PKP2: variants seen among roughly 807,000 people sequenced by gnomAD.
PKP2 encodes the protein plakophilin 2, also known as plakophilin-2.
A neutral mutation model predicts 83.4 loss-of-function variants in PKP2; 73 were observed. That is an observed-to-expected ratio of 0.88 (90% confidence interval 0.72 to 1.06). The LOEUF is 1.06. PKP2 is among the 50% of genes least tolerant of loss of function. PKP2 has a pLI of 0.00. For synonymous variants in PKP2, 409 were observed against 430.4 expected, an observed-to-expected ratio of 0.95 and a Z score of 0.62; for missense variants, 966 against 1,065.4, an observed-to-expected ratio of 0.91 and a Z score of 1.30.
intron 5 of PKP2, among the ~76,000 whole-genome samples, chr12:32,846,647 A>G (rs1956647228): frequency 6.6e-6 from 1 of 151,748 alleles, no homozygotes; most frequent in Admixed American, 6.6e-5. Flanking sequence ...TGGGAGGCTA[A>G]GGCAGGAGAA....
intron 1 of PKP2, among the ~76,000 whole-genome samples, chr12:32,896,032 G>T (rs529770891): frequency 6.6e-6 from 1 of 152,344 alleles, no homozygotes; most frequent in Non-Finnish European, 1.5e-5. Flanking sequence ...GGTTGTAGGA[G>T]CGCCAGTGCT....
rs1441911077 is a variant in PKP2, at chr12:32,819,161, C to T, written c.2013+2195G>A. Among the ~76,000 whole-genome samples the T allele has an allele frequency of 2.0e-5, 3 of 151,808 alleles. No homozygotes were observed. In the East Asian group the frequency reaches 5.8e-4, roughly 29 times the overall value. ...GGCGTGGTGGCGGGCACCTGTAATCCCAGCTACTTGGGAGGCTGAGGCAGG... is the reference window on the plus strand; with the variant it reads ...GGCGTGGTGGCGGGCACCTGTAATCTCAGCTACTTGGGAGGCTGAGGCAGG... On this transcript the variant is annotated intron_variant, in intron 9 of 12. Transcript: ENST00000340811.
intron 1 of PKP2, among the ~76,000 whole-genome samples, chr12:32,892,315 C>CA (rs1555149455): frequency 7.3e-6 from 1 of 137,446 alleles, no homozygotes; most frequent in African/African-American, 2.7e-5. Flanking sequence ...CCAGAATTCA[C>CA]TTTTTTTTTT....
At chr12:32,889,345 A>G (rs1406490014) in intron 1 of PKP2, among the ~76,000 whole-genome samples, 2 of 152,232 alleles carry the variant, frequency 1.3e-5, no homozygotes, top group African/African-American at 4.8e-5. Context: ...AAGGAATTTA[A>G]ACTGGGAAAT....
chr12:32,856,287 G>C (rs1283836257), intron 4 of PKP2, among the ~76,000 whole-genome samples: 4 of 152,126 alleles, frequency 2.6e-5, no homozygotes, highest in Non-Finnish European at 5.9e-5. Context: ...GCAGTTATTG[G>C]AAAGGTCTCC....
At chr12:32,874,729 C>T (rs1380470420) in intron 3 of PKP2, among the ~76,000 whole-genome samples, 1 of 152,006 alleles carries the variant, frequency 6.6e-6, no homozygotes, top group Non-Finnish European at 1.5e-5. Context: ...CCTTTAATTC[C>T]TTCACTCTTT....
chr12:32,868,586 G>A (rs1452319377), intron 4 of PKP2, among the ~76,000 whole-genome samples: 3 of 151,516 alleles, frequency 2.0e-5, no homozygotes, highest in African/African-American at 4.9e-5. Context: ...GCAGTGGCGC[G>A]AACTCAGTTC....
intron 3 of PKP2, among the ~76,000 whole-genome samples, chr12:32,873,788 G>T (rs200643546): frequency 1.3e-5 from 2 of 151,342 alleles, no homozygotes; most frequent in African/African-American, 4.8e-5. Context: ...CCTCGGCCTC[G>T]TAAAGTGCTG....
chr12:32,807,839 A>G (rs1485977477), intron 9 of PKP2, among the ~76,000 whole-genome samples: 1 of 152,194 alleles, frequency 6.6e-6, no homozygotes, highest in Non-Finnish European at 1.5e-5. Flanking sequence ...TTTCTTTAAG[A>G]ATTTTAAATA....
chr12:32,837,714 G>C (rs1217781391), intron 6 of PKP2, among the ~76,000 whole-genome samples: 1 of 152,164 alleles, frequency 6.6e-6, no homozygotes, highest in Non-Finnish European at 1.5e-5. Flanking sequence ...CCAGGGCATT[G>C]CTACAACCAA....
At chr12:32,813,454 A>T (rs1956294773) in intron 9 of PKP2, among the ~76,000 whole-genome samples, 1 of 152,192 alleles carries the variant, frequency 6.6e-6, no homozygotes, top group Non-Finnish European at 1.5e-5. Flanking sequence ...TGTTTTTATA[A>T]TTTAGTCAGT....
chr12:32,810,675 A>ATTTTTT (rs1222143443), intron 9 of PKP2, among the ~76,000 whole-genome samples: 4 of 28,722 alleles, frequency 1.4e-4, no homozygotes, highest in East Asian at 1.2e-3. Flanking sequence ...TAGAATAAAC[A>ATTTTTT]TTTTTTTTTT....
intron 10 of PKP2, among the ~76,000 whole-genome samples, chr12:32,799,978 T>C (rs1956165054): frequency 6.6e-6 from 1 of 152,260 alleles, no homozygotes; most frequent in Non-Finnish European, 1.5e-5. Flanking sequence ...GAACTTGTCC[T>C]ATGGTACATA....
intron 1 of PKP2, chr12:32,894,670 T>C (rs1957105921): frequency 6.6e-6 from 1 of 152,236 alleles, no homozygotes; most frequent in African/African-American, 2.4e-5. Flanking sequence ...TTGTATCTGC[T>C]TGCTCTCTTC....
intron 11 of PKP2, among the ~76,000 whole-genome samples, chr12:32,795,257 T>C (rs1358130347): frequency 6.6e-6 from 1 of 152,014 alleles, no homozygotes; most frequent in African/African-American, 2.4e-5. Context: ...CATTGGACCT[T>C]CTATTATCAA....
At chr12:32,873,664 G>T (rs1956911412) in intron 3 of PKP2, among the ~76,000 whole-genome samples, 2 of 152,106 alleles carry the variant, frequency 1.3e-5, no homozygotes, top group African/African-American at 4.8e-5. Flanking sequence ...TGAGTAGCTG[G>T]GATAACAGGC....
chr12:32,807,980 C>T (rs778547646), intron 9 of PKP2, among the ~76,000 whole-genome samples: 12 of 152,070 alleles, frequency 7.9e-5, no homozygotes, highest in Admixed American at 3.3e-4. Flanking sequence ...TCATTTTGAC[C>T]TGGAATCTGA....
chr12:32,810,623 C>T (rs1359742113), intron 9 of PKP2, among the ~76,000 whole-genome samples: 1 of 151,998 alleles, frequency 6.6e-6, no homozygotes, highest in Non-Finnish European at 1.5e-5. Flanking sequence ...ATACTCTGGT[C>T]ACATGGCTAA....
rs568987841 is a variant in PKP2 at position 32,807,569 on chromosome 12, C to T, written c.2014-5013G>A. Reference sequence around the variant, plus strand: ...TTATGTGTGAATTTGATTCTGTCATCATGATGCTAACTGGTTATTTTGCAG... The same window carrying T: ...TTATGTGTGAATTTGATTCTGTCATTATGATGCTAACTGGTTATTTTGCAG... On this transcript the variant is annotated intron_variant, in intron 9 of 12. Transcript: ENST00000340811. 4.6e-5 allele frequency among the ~76,000 whole-genome samples: 7 copies of T among 152,262 alleles called. No homozygotes were observed. The South Asian group carries it at 1.2e-3, about 27-fold the overall frequency.
Sources: gnomAD v4.1 joint callset for allele counts (sites outside exome capture counted in the v4.1 genomes callset) on GRCh38, gnomAD v4.1.1 for gene constraint, MANE v1.5 for transcripts, NCBI Gene and HGNC (gene_info 2026-07-23, HGNC 2026-07-21) for gene names.